The following PCDHGA1 variants were observed in gnomAD, a reference collection of about 807,000 sequenced individuals.
PCDHGA1 encodes protocadherin gamma subfamily A, 1.
A neutral mutation model predicts 58.0 loss-of-function variants in PCDHGA1; 32 were observed. The ratio of observed to expected loss-of-function variants is 0.55; its 90% CI spans 0.42 to 0.74. The LOEUF (loss-of-function observed/expected upper bound fraction) is 0.74, where lower values mean the gene tolerates loss of function less well. Among genes scored for constraint, PCDHGA1 ranks in the 30% least tolerant of loss-of-function variants. PCDHGA1 has a pLI of 0.00. For synonymous variants in PCDHGA1, 498 were observed against 501.1 expected, an observed-to-expected ratio of 0.99 and a Z score of 0.08; for missense variants, 1,205 against 1,182.3, an observed-to-expected ratio of 1.02 and a Z score of -0.28.
intron 1 of PCDHGA1, chr5:141,427,958 G>T: frequency 6.3e-7 from 1 of 1,588,408 alleles, no homozygotes; most frequent in Non-Finnish European, 8.6e-7. Flanking sequence ...ACAATGTGCC[G>T]CGGGTGCTGT....
At chr5:141,340,241 G>C in intron 1 of PCDHGA1, 1 of 1,614,118 alleles carries the variant, frequency 6.2e-7, no homozygotes, top group Non-Finnish European at 8.5e-7. Context: ...CACTCTAACC[G>C]CTAAAGATGG....
At chr5:141,442,974 A>C (rs1444888648) in intron 1 of PCDHGA1, among the ~76,000 whole-genome samples, 1 of 152,176 alleles carries the variant, frequency 6.6e-6, no homozygotes, top group Non-Finnish European at 1.5e-5. Flanking sequence ...CTGGCTGATA[A>C]AGTTAGCCTA....
rs1023816949 is a variant in PCDHGA1, at chr5:141,362,715, T to C, written c.2421+29610T>C. On this transcript the variant is annotated intron_variant, in intron 1 of 3. Transcript: ENST00000517417. ...CTAACTGAATTTTAAGTGTTTTCTC[T>C]CTGAAGTGTGAGATTTATTTACCCA... The C allele has an allele frequency of 8.8e-5, 80 of 911,620 alleles. No individual in the cohort carries two copies. In the East Asian group the frequency reaches 2.0e-3, roughly 23 times the overall value. The allele number at this position is 911,620 out of a possible 1,614,324, so 56.5% of individuals were successfully genotyped here.
intron 1 of PCDHGA1, chr5:141,417,913 T>A (rs749352432): frequency 1.2e-6 from 2 of 1,601,944 alleles, no homozygotes; most frequent in African/African-American, 1.3e-5. Flanking sequence ...AGGTACTATT[T>A]CCTTTGCTGC....
rs1022105672 is a variant in PCDHGA1 at position 141,332,502 on chromosome 5, C to T, written c.1818C>T (p.Tyr606=). The T allele has an allele frequency of 1.4e-5, 23 of 1,612,974 alleles. No individual in the cohort carries two copies. Among genetic ancestry groups the T allele is most frequent in the Non-Finnish European group, 1.9e-5 (23 of 1,180,000 alleles). Residue 606 remains tyrosine (Y), a synonymous_variant, in exon 1 of 4, where the codon TAC becomes TAT. Transcript: ENST00000517417. This position sits in a 1 kb window ranked among gnomAD's most constrained non-coding sequence, Gnocchi z 4.6. ...RDSGQNAWLS[Y]RLLKASEPGL... ...CGGGCCAGAACGCCTGGCTGTCCTA[C>T]CGCCTGCTCAAGGCCAGCGAGCCGG...
At chr5:141,422,618 A>G in intron 1 of PCDHGA1, 3 of 1,613,682 alleles carry the variant, frequency 1.9e-6, no homozygotes, top group Non-Finnish European at 2.5e-6. Flanking sequence ...TACATTCCCG[A>G]AAACAACCCC....
At chr5:141,362,456 T>A (rs373414184) in intron 1 of PCDHGA1, 3 of 1,614,050 alleles carry the variant, frequency 1.9e-6, no homozygotes, top group Non-Finnish European at 2.5e-6. Context: ...ACCCCGGAAT[T>A]GGTTCCCGCG....
rs368437640 is a variant in PCDHGA1, at chr5:141,365,739, C to A, written c.2421+32634C>A. ...ACAGAAAACAATCCCAGAGGTGTCT[C>A]TATCTTCTCTGTGACAGCCCATGAC... On this transcript the variant is annotated intron_variant, in intron 1 of 3. Coordinates refer to ENST00000517417, the MANE Select transcript of PCDHGA1 (RefSeq NM_018912.3). 107 of 1,613,792 alleles carry A rather than the reference C, an allele frequency of 6.6e-5. No homozygotes were observed. Among genetic ancestry groups the A allele is most frequent in the Non-Finnish European group, 9.0e-5 (106 of 1,179,874 alleles).
At chr5:141,442,403 G>A (rs1042068651) in intron 1 of PCDHGA1, 2 of 152,168 alleles carry the variant, frequency 1.3e-5, no homozygotes, top group African/African-American at 4.8e-5. Context: ...TACGAATCCA[G>A]GGCTGAGTGA....
rs1283050252 is a variant in PCDHGA1, at chr5:141,512,909, T to G, written c.*1736T>G. ...CCTCTTCCTGTGTCTCACGCAAGTT[T>G]TATACTCTAATATTTATATGGCTTT... On this transcript the variant is annotated 3_prime_UTR_variant, in exon 4 of 4. Coordinates refer to ENST00000517417, the MANE Select transcript of PCDHGA1 (RefSeq NM_018912.3). 6.6e-6 allele frequency: 1 copy of G among 152,268 alleles called. No homozygotes were observed. The highest frequency in any genetic ancestry group is 1.5e-5 in the Non-Finnish European group (1 of 68,056). 9.4% of individuals were successfully genotyped at this position (152,268 alleles called of 1,614,324 possible).
At chr5:141,466,993 T>G (rs2099133598) in intron 1 of PCDHGA1, among the ~76,000 whole-genome samples, 1 of 152,148 alleles carries the variant, frequency 6.6e-6, no homozygotes, top group African/African-American at 2.4e-5. Context: ...CCTTTTGGCA[T>G]TTTTTTGCAA....
chr5:141,350,687 G>C (rs367576240), intron 1 of PCDHGA1: 1 of 1,614,012 alleles, frequency 6.2e-7, no homozygotes, highest in Non-Finnish European at 8.5e-7. Flanking sequence ...TTGTGAGTCA[G>C]CCTTACCCGG....
intron 1 of PCDHGA1, among the ~76,000 whole-genome samples, chr5:141,456,733 G>A (rs1186997201): frequency 6.6e-6 from 1 of 152,182 alleles, no homozygotes; most frequent in Non-Finnish European, 1.5e-5. Context: ...GGGAGGCTGA[G>A]GCGGGAGCAT....
intron 1 of PCDHGA1, chr5:141,387,615 A>G: frequency 3.5e-6 from 2 of 564,798 alleles, no homozygotes; most frequent in South Asian, 2.4e-5. Flanking sequence ...GTAGTTTCCT[A>G]GTGCTGACTC....
In PCDHGA1 at chr5:141,334,428, C is replaced by A. The variant is rs1475621639; in HGVS notation, c.2421+1323C>A. ...ATCCTTGGAGCCCTGGAGTTCAAGA[C>A]CAGCCGGACAGGGCGGCCTGCGACT... On this transcript the variant is annotated intron_variant, in intron 1 of 3. Coordinates refer to ENST00000517417, the MANE Select transcript of PCDHGA1 (RefSeq NM_018912.3). This position sits in a 1 kb window ranked among gnomAD's most constrained non-coding sequence, Gnocchi z 4.6. 2 of 151,560 alleles carry A rather than the reference C, an allele frequency of 1.3e-5. No homozygotes were observed. The highest frequency in any genetic ancestry group is 4.9e-5 in the African/African-American group (2 of 41,216). The allele number at this position is 151,560 out of a possible 1,614,324, so 9.4% of individuals were successfully genotyped here. A position where few individuals can be genotyped will look rare whatever the true frequency, so the allele number is the denominator to read the frequency against.
intron 1 of PCDHGA1, chr5:141,440,479 T>C (rs949675242): frequency 6.6e-6 from 1 of 152,172 alleles, no homozygotes; most frequent in African/African-American, 2.4e-5. Context: ...TTGAAAATTC[T>C]TTAAATGTTT....
At chr5:141,356,230 G>T in intron 1 of PCDHGA1, 1 of 1,592,426 alleles carries the variant, frequency 6.3e-7, no homozygotes, top group Non-Finnish European at 8.6e-7. Context: ...AAATGACAAC[G>T]CACCAGAAGT....
rs200317374 is a variant in PCDHGA1, at chr5:141,408,395, A to C, written c.2421+75290A>C. 29 of 1,613,856 alleles carry C rather than the reference A, an allele frequency of 1.8e-5. No homozygotes were observed. The South Asian group carries it at 3.0e-4, about 16-fold the overall frequency. On this transcript the variant is annotated intron_variant, in intron 1 of 3. Transcript: ENST00000517417. ...CAGTGTCCTGGATGTGTCGGCTCGC[A>C]AGCTGCGAGTGAGCGCGGAGAAGCT...
chr5:141,340,742 G>A (rs528378517), intron 1 of PCDHGA1: 1 of 1,614,086 alleles, frequency 6.2e-7, no homozygotes, highest in Non-Finnish European at 8.5e-7. Flanking sequence ...GGTGACCAAG[G>A]TGGTGGCGGT....
Sources: allele counts gnomAD v4.1 joint callset (sites outside exome capture counted in the v4.1 genomes callset), GRCh38; gene constraint gnomAD v4.1.1; non-coding constraint Gnocchi (gnomAD v3.1); transcripts MANE v1.5; gene names NCBI Gene and HGNC (gene_info 2026-07-23, HGNC 2026-07-21).